The following ATP9B variants were observed in gnomAD, a reference collection of about 807,000 sequenced individuals.
ATP9B encodes ATPase phospholipid transporting 9B, also known as probable phospholipid-transporting ATPase IIB.
In ATP9B, 110 loss-of-function variants were observed where a neutral mutation model predicts 146.1. The observed-to-expected ratio is 0.75, with a 90% confidence interval of 0.65 to 0.88. The LOEUF is 0.88. ATP9B is among the 40% of genes least tolerant of loss of function. The pLI is 0.00. For missense variants in ATP9B, 1,499 were observed against 1,496.4 expected (o/e 1.00, Z -0.03); for synonymous variants, 604 against 569.7 (o/e 1.06, Z -0.86).
chr18:79,370,706 GCTT>G (rs2097064264), intron 26 of ATP9B, among the ~76,000 whole-genome samples: 1 of 151,998 alleles, frequency 6.6e-6, no homozygotes, highest in Non-Finnish European at 1.5e-5. Context: ...AATATCATCT[GCTT>G]CAATATGGAA....
intron 7 of ATP9B, among the ~76,000 whole-genome samples, chr18:79,160,842 G>C (rs1463782725): frequency 6.6e-6 from 1 of 152,154 alleles, no homozygotes; most frequent in Admixed American, 6.5e-5. Flanking sequence ...CGCGATCTCG[G>C]CTCACTGCAA....
chr18:79,355,703 G>A (rs1600319702), intron 25 of ATP9B, among the ~76,000 whole-genome samples: 1 of 152,170 alleles, frequency 6.6e-6, no homozygotes, highest in African/African-American at 2.4e-5. Flanking sequence ...GGCAGGGCTA[G>A]GAACTTACTT....
intron 9 of ATP9B, among the ~76,000 whole-genome samples, chr18:79,195,472 A>C (rs1205506296): frequency 6.6e-6 from 1 of 152,224 alleles, no homozygotes; most frequent in Non-Finnish European, 1.5e-5. Context: ...AATTAATAAA[A>C]AATTTCTAAA....
chr18:79,083,200 C>T (rs1412965491), intron 1 of ATP9B, among the ~76,000 whole-genome samples: 1 of 152,200 alleles, frequency 6.6e-6, no homozygotes, highest in African/African-American at 2.4e-5. Context: ...GCTTTGTTTA[C>T]ACTGTGAGGG....
At chr18:79,197,046 A>G (rs2095423833) in intron 9 of ATP9B, among the ~76,000 whole-genome samples, 1 of 152,210 alleles carries the variant, frequency 6.6e-6, no homozygotes, top group Non-Finnish European at 1.5e-5. Flanking sequence ...TTGAGCATAT[A>G]TAGGGTGTCA....
chr18:79,271,971 G>T (rs1052561406), intron 12 of ATP9B, among the ~76,000 whole-genome samples: 2 of 152,178 alleles, frequency 1.3e-5, no homozygotes, highest in Non-Finnish European at 2.9e-5. Flanking sequence ...GTTTTGATTT[G>T]CATTTCTCTG....
chr18:79,244,136 C>T (rs528197863), intron 11 of ATP9B, among the ~76,000 whole-genome samples: 6 of 151,966 alleles, frequency 3.9e-5, no homozygotes, highest in Non-Finnish European at 7.4e-5. Flanking sequence ...CACTACCCCC[C>T]CTCCGCCCCC....
chr18:79,199,432 T>C (rs2095445247), intron 9 of ATP9B, among the ~76,000 whole-genome samples: 2 of 152,190 alleles, frequency 1.3e-5, no homozygotes, highest in African/African-American at 4.8e-5. Flanking sequence ...TTTTTTAGTT[T>C]TTAAAAATTT....
At chr18:79,226,752 G>A (rs1034451418) in intron 11 of ATP9B, among the ~76,000 whole-genome samples, 12 of 152,204 alleles carry the variant, frequency 7.9e-5, no homozygotes, top group African/African-American at 2.4e-4. Flanking sequence ...GTGTGGGGGA[G>A]GTGGACTTAT....
intron 8 of ATP9B, among the ~76,000 whole-genome samples, chr18:79,185,840 T>G (rs568628134): frequency 1.3e-5 from 2 of 152,284 alleles, no homozygotes; most frequent in Admixed American, 1.3e-4. Flanking sequence ...TCAGACTGTG[T>G]CCATGGTGAC....
chr18:79,308,129 CAA>C (rs534632974), intron 15 of ATP9B, among the ~76,000 whole-genome samples: 36 of 152,232 alleles, frequency 2.4e-4, no homozygotes, highest in African/African-American at 8.7e-4. Flanking sequence ...AGCCAAGAGA[CAA>C]GACGCAACTT....
At chr18:79,093,325 C>G (rs516848) in intron 1 of ATP9B, among the ~76,000 whole-genome samples, 58,761 of 151,920 alleles carry the variant, frequency 0.39, 11,788 homozygotes, top group East Asian at 0.52. Flanking sequence ...TAGACTTCTG[C>G]TTTCACAGTT....
intron 5 of ATP9B, among the ~76,000 whole-genome samples, chr18:79,132,738 C>T (rs2094396156): frequency 6.6e-6 from 1 of 152,182 alleles, no homozygotes. Flanking sequence ...TGGCAGCCTC[C>T]TTGTGTGCCT....
intron 25 of ATP9B, chr18:79,354,445 C>T (rs62097665): frequency 0.23 from 34,792 of 151,712 alleles, 4,703 homozygotes; most frequent in East Asian, 0.52. Context: ...GGTACACACC[C>T]GCGGTCCTAG....
At chr18:79,167,975 G>A (rs1179933279) in intron 7 of ATP9B, among the ~76,000 whole-genome samples, 1 of 152,220 alleles carries the variant, frequency 6.6e-6, no homozygotes, top group Non-Finnish European at 1.5e-5. Context: ...AGTCTGGAGA[G>A]GGCCAAGCCG....
At chr18:79,292,421 G>T (rs1190370667) in intron 13 of ATP9B, among the ~76,000 whole-genome samples, 1 of 152,188 alleles carries the variant, frequency 6.6e-6, no homozygotes, top group Non-Finnish European at 1.5e-5. Flanking sequence ...GAACCATCCA[G>T]AGATAGAATT....
At chr18:79,367,061 T>C (rs2097034733) in intron 26 of ATP9B, among the ~76,000 whole-genome samples, 1 of 148,034 alleles carries the variant, frequency 6.8e-6, no homozygotes, top group Non-Finnish European at 1.5e-5. Flanking sequence ...AGAGCACACA[T>C]ATCTTCACCT....
chr18:79,349,130 T>A (rs1476797120), intron 25 of ATP9B, among the ~76,000 whole-genome samples: 1 of 152,264 alleles, frequency 6.6e-6, no homozygotes, highest in African/African-American at 2.4e-5. Flanking sequence ...TGGGAATTTC[T>A]CTTTTCCTCC....
intron 12 of ATP9B, among the ~76,000 whole-genome samples, chr18:79,267,790 A>G (rs2096218211): frequency 6.6e-6 from 1 of 152,034 alleles, no homozygotes; most frequent in South Asian, 2.1e-4. Flanking sequence ...ATTTTTATAA[A>G]CATTCTGTGT....
Sources: allele counts gnomAD v4.1 joint callset (sites outside exome capture counted in the v4.1 genomes callset), GRCh38; gene constraint gnomAD v4.1.1; transcripts MANE v1.5; gene names NCBI Gene and HGNC (gene_info 2026-07-23, HGNC 2026-07-21).